The following CLIC4 variants were observed in gnomAD, a reference collection of about 807,000 sequenced individuals.
CLIC4 encodes the protein CLIC family member 4.
CLIC4 carries 13 observed loss-of-function variants against 24.6 expected under a neutral mutation model. The ratio of observed to expected loss-of-function variants is 0.53; its 90% CI spans 0.34 to 0.84. The LOEUF (loss-of-function observed/expected upper bound fraction) is 0.84. CLIC4 is among the 40% of genes least tolerant of loss of function. The pLI is 0.01. For missense variants in CLIC4, 227 were observed against 301.7 expected (o/e 0.75, Z 1.83); for synonymous variants, 104 against 111.3 (o/e 0.93, Z 0.41).
intron 1 of CLIC4, among the ~76,000 whole-genome samples, chr1:24,752,393 G>A (rs1210714773): frequency 6.6e-6 from 1 of 152,146 alleles, no homozygotes; most frequent in African/African-American, 2.4e-5. Flanking sequence ...CCTCCTCAGA[G>A]TCATTAAGGG....
chr1:24,793,033 C>T (rs1377413000), intron 1 of CLIC4: 1 of 152,068 alleles, frequency 6.6e-6, no homozygotes, highest in Admixed American at 6.5e-5. Context: ...GTCTCGTTTA[C>T]CAACTTAATG....
At chr1:24,821,020 C>CA (rs1312019867) in intron 3 of CLIC4, among the ~76,000 whole-genome samples, 2 of 151,576 alleles carry the variant, frequency 1.3e-5, no homozygotes, top group African/African-American at 4.8e-5. Flanking sequence ...CCTGTCTCTA[C>CA]AAAAAAATAC....
chr1:24,752,583 A>G (rs536395231), intron 1 of CLIC4, among the ~76,000 whole-genome samples: 10 of 152,270 alleles, frequency 6.6e-5, no homozygotes, highest in Non-Finnish European at 1.2e-4. Flanking sequence ...GTCACATTCT[A>G]TTGGAGAGAA....
At chr1:24,804,290 A>G (rs991446771) in intron 2 of CLIC4, among the ~76,000 whole-genome samples, 1 of 151,384 alleles carries the variant, frequency 6.6e-6, no homozygotes, top group South Asian at 2.1e-4. Context: ...TTGTTAGAAC[A>G]GTCCAATTCA....
intron 1 of CLIC4, among the ~76,000 whole-genome samples, chr1:24,776,029 C>T (rs1454092842): frequency 6.6e-6 from 1 of 152,052 alleles, no homozygotes; most frequent in East Asian, 1.9e-4. Flanking sequence ...GCAAAACTGT[C>T]CCCCCATAGT....
At chr1:24,806,024 C>A (rs551158811) in intron 2 of CLIC4, among the ~76,000 whole-genome samples, 1 of 152,126 alleles carries the variant, frequency 6.6e-6, no homozygotes, top group African/African-American at 2.4e-5. Context: ...ATATTTGCAC[C>A]CTGTTGCAAG....
At chr1:24,807,507 G>A (rs1039881035) in intron 2 of CLIC4, among the ~76,000 whole-genome samples, 1 of 152,076 alleles carries the variant, frequency 6.6e-6, no homozygotes, top group African/African-American at 2.4e-5. Flanking sequence ...TTCCCCTATT[G>A]GCTAGGGTTA....
In CLIC4 at chr1:24,763,256, T is replaced by C. The variant is rs145891518; in HGVS notation, c.72+17631T>C. The stretch of plus-strand genomic sequence containing the variant: ...TTGTTGGTCTCTACTAAAGAAAGAA[T>C]TGGCTGGGCATGCTGGCTCACTCCT... On this transcript the variant is annotated intron_variant, in intron 1 of 5. Transcript: ENST00000374379. 3.4e-3 allele frequency among the ~76,000 whole-genome samples: 513 copies of C among 152,112 alleles called. 4 individuals are homozygous for C. Among genetic ancestry groups the C allele is most frequent in the African/African-American group, 0.012 (490 of 41,500 alleles).
At chr1:24,798,868 A>G (rs978174382) in intron 2 of CLIC4, among the ~76,000 whole-genome samples, 5 of 152,220 alleles carry the variant, frequency 3.3e-5, no homozygotes, top group African/African-American at 1.2e-4. Flanking sequence ...GCAGGTCTCC[A>G]GCCCCTAACC....
At chr1:24,765,616 TGA>T (rs1429679222) in intron 1 of CLIC4, among the ~76,000 whole-genome samples, 1 of 152,210 alleles carries the variant, frequency 6.6e-6, no homozygotes, top group South Asian at 2.1e-4. Context: ...TTAGGAGTGT[TGA>T]GAGCAGCTAT....
intron 3 of CLIC4, among the ~76,000 whole-genome samples, chr1:24,820,750 G>A (rs1639721986): frequency 6.6e-6 from 1 of 152,144 alleles, no homozygotes; most frequent in Non-Finnish European, 1.5e-5. Flanking sequence ...TTGTTTTAAA[G>A]TATTGTCTGA....
At position 24,807,858 on chromosome 1, in the gene CLIC4, A is replaced by G. The variant is rs576072061; in HGVS notation, c.183-6236A>G. On this transcript the variant is annotated intron_variant, in intron 2 of 5. Transcript: ENST00000374379. Reference sequence around the variant, plus strand: ...TTAGGCATTTAATTGACTGTTCATTATAAAAATGTTAATGGATATGTTTTA... The same window carrying G: ...TTAGGCATTTAATTGACTGTTCATTGTAAAAATGTTAATGGATATGTTTTA... Among the ~76,000 whole-genome samples, 3 of 152,360 alleles carry G rather than the reference A, an allele frequency of 2.0e-5. No individual in the cohort carries two copies. In the South Asian group the frequency reaches 6.2e-4, roughly 32 times the overall value.
At chr1:24,746,416 G>A (rs906992850) in intron 1 of CLIC4, among the ~76,000 whole-genome samples, 8 of 152,172 alleles carry the variant, frequency 5.3e-5, no homozygotes, top group Admixed American at 2.0e-4. Flanking sequence ...TTTCCCTTGT[G>A]TCTTCAGCTT....
In CLIC4 at chr1:24,800,745, C is replaced by T. The variant is rs543973983; in HGVS notation, c.182+2894C>T. 2.0e-5 allele frequency among the ~76,000 whole-genome samples: 3 copies of T among 152,330 alleles called. No individual in the cohort carries two copies. In the South Asian group the frequency reaches 6.2e-4, roughly 32 times the overall value. ...AAGAAAAATTCTTCTGCCTTGGGAT[C>T]TTGTTGGTCTGTGACCTTACCCCCA... On this transcript the variant is annotated intron_variant, in intron 2 of 5. Transcript: ENST00000374379.
At chr1:24,773,710 C>T (rs1386467189) in intron 1 of CLIC4, among the ~76,000 whole-genome samples, 14 of 146,742 alleles carry the variant, frequency 9.5e-5, no homozygotes. Context: ...GATCCTCCTG[C>T]TTAAGCCTTC....
At chr1:24,795,568 A>G (rs1311648577) in intron 1 of CLIC4, among the ~76,000 whole-genome samples, 1 of 151,870 alleles carries the variant, frequency 6.6e-6, no homozygotes, top group Non-Finnish European at 1.5e-5. Flanking sequence ...AACAGGATAT[A>G]GGATATTTAT....
chr1:24,802,241 AT>A (rs1189292091), intron 2 of CLIC4, among the ~76,000 whole-genome samples: 4 of 152,290 alleles, frequency 2.6e-5, no homozygotes, highest in Admixed American at 2.6e-4. Context: ...CATTATAGCT[AT>A]TTCAGAGTTG....
At chr1:24,808,708 A>C (rs1486155028) in intron 2 of CLIC4, among the ~76,000 whole-genome samples, 1 of 141,978 alleles carries the variant, frequency 7.0e-6, no homozygotes, top group Non-Finnish European at 1.5e-5. Flanking sequence ...ATGGAGTCTC[A>C]CTCTGTCACC....
Position 24,793,594 on chromosome 1 carries a change from G to A in CLIC4, c.73-4148G>A, listed in dbSNP as rs77159745. Among the ~76,000 whole-genome samples the A allele has an allele frequency of 5.5e-4, 83 of 152,218 alleles. 1 individual carries two copies. The East Asian group carries it at 0.013, about 24-fold the overall frequency. ...AATCACAGTAAAATTTAAGAACTAG[G>A]CCTTTTTTAGGAAGTACATTTTTGT... On this transcript the variant is annotated intron_variant, in intron 1 of 5. Coordinates refer to ENST00000374379, the MANE Select transcript of CLIC4 (RefSeq NM_013943.3).
Sources: allele counts gnomAD v4.1 joint callset (sites outside exome capture counted in the v4.1 genomes callset), GRCh38; gene constraint gnomAD v4.1.1; transcripts MANE v1.5; gene names NCBI Gene and HGNC (gene_info 2026-07-23, HGNC 2026-07-21).